Variants in WDR82 observed in about 807,000 individuals in gnomAD.
WDR82 encodes the protein WD repeat domain 82.
WDR82 carries 8 observed loss-of-function variants against 36.1 expected under a neutral mutation model. The observed-to-expected ratio is 0.22, with a 90% confidence interval of 0.13 to 0.40. The LOEUF is 0.40. Among genes scored for constraint, WDR82 ranks in the 10% least tolerant of loss-of-function variants. WDR82 has a pLI of 1.00. For synonymous variants in WDR82, 129 were observed against 137.8 expected, an observed-to-expected ratio of 0.94 and a Z score of 0.45; for missense variants, 185 against 400.5, an observed-to-expected ratio of 0.46 and a Z score of 4.59.
At position 52,270,814 on chromosome 3, in the gene WDR82, TAAG is replaced by T. The variant is rs759631272; in HGVS notation, c.162-8_162-6del. ...CTGTACAGGGTTCTCTTTGGTCTGATAAGAAAATAGAGACAGAAAATCATGAAC... is the reference window on the plus strand; with the variant it reads ...CTGTACAGGGTTCTCTTTGGTCTGATAAAATAGAGACAGAAAATCATGAAC... On this transcript the variant is annotated splice_region_variant and splice_polypyrimidine_tract_variant and intron_variant, in intron 1 of 8. Coordinates refer to ENST00000296490, the MANE Select transcript of WDR82 (RefSeq NM_025222.4). The T allele has an allele frequency of 6.3e-7, 1 of 1,581,330 alleles. No homozygotes were observed. The highest frequency in any genetic ancestry group is 1.2e-5 in the South Asian group (1 of 85,224).
In WDR82 at chr3:52,259,270, A is replaced by C. The variant is rs757115553; in HGVS notation, c.700-4T>G. 137 of 1,613,922 alleles carry C rather than the reference A, an allele frequency of 8.5e-5. 1 individual carries two copies. Among genetic ancestry groups the C allele is most frequent in the Non-Finnish European group, 1.1e-4 (132 of 1,179,976 alleles). Reference sequence around the variant, plus strand: ...CAGCTTTGCTGTTGGCATAACCCTAAAACAAAACAGAGCAGTTCTTTTGTT... The same window carrying C: ...CAGCTTTGCTGTTGGCATAACCCTACAACAAAACAGAGCAGTTCTTTTGTT... On this transcript the variant is annotated splice_region_variant and splice_polypyrimidine_tract_variant and intron_variant, in intron 6 of 8. Transcript: ENST00000296490.
intron 2 of WDR82, chr3:52,268,324 CAT>C (rs1017773990): frequency 1.7e-5 from 8 of 472,114 alleles, no homozygotes; most frequent in Non-Finnish European, 3.1e-5. Context: ...CGGGTGGTAT[CAT>C]AGACCCTCAA....
intron 6 of WDR82, 57 bp from the exon 7 acceptor site, chr3:52,259,323 G>T: frequency 1.9e-6 from 3 of 1,545,354 alleles, no homozygotes; most frequent in South Asian, 1.1e-5. Context: ...AAAAACAGCT[G>T]CCTACAAACA....
chr3:52,260,869 C>G (rs1054235332), intron 4 of WDR82, among the ~76,000 whole-genome samples: 1 of 152,244 alleles, frequency 6.6e-6, no homozygotes, highest in Admixed American at 6.5e-5. Flanking sequence ...CAGTGGCTCA[C>G]GCCTATAATC....
At position 52,270,929 on chromosome 3, in the gene WDR82, A is replaced by C; in HGVS notation, c.162-120T>G. ...AGGTGAGGATTTTTGGTAAGTTCTA[A>C]CACTGGAAAGAAACAACTTCTTCCA... On this transcript the variant is annotated intron_variant, in intron 1 of 8. Coordinates refer to ENST00000296490, the MANE Select transcript of WDR82 (RefSeq NM_025222.4). 1.1e-5 allele frequency: 7 copies of C among 658,398 alleles called. No individual in the cohort carries two copies. The South Asian group carries it at 2.0e-4, about 19-fold the overall frequency. The allele number at this position is 658,398 out of a possible 1,614,324, so 40.8% of individuals were successfully genotyped here.
At position 52,278,601 on chromosome 3, in the gene WDR82, T is replaced by C; in HGVS notation, c.-240A>G. On this transcript the variant is annotated 5_prime_UTR_variant, in exon 1 of 9. Transcript: ENST00000296490. The stretch of plus-strand genomic sequence containing the variant: ...AGCCACCTCACGGACAACCGGCGCG[T>C]CGCCGGCTCATTGTGTCCGCCATTT... 1 of 402,822 alleles carries C rather than the reference T, an allele frequency of 2.5e-6. No homozygotes were observed. The highest frequency in any genetic ancestry group is 6.3e-4 in the Middle Eastern group (1 of 1,596). 25.0% of individuals were successfully genotyped at this position (402,822 alleles called of 1,614,324 possible). A position where few individuals can be genotyped will look rare whatever the true frequency, so the allele number is the denominator to read the frequency against.
Position 52,255,159 on chromosome 3 carries a change from C to A in WDR82, c.*2331G>T. ...GTTTCTCCATGTTGGTCAGGCTGGTCTCAAACTCCCGACCTCCGGTGATCC... is the reference window on the plus strand; with the variant it reads ...GTTTCTCCATGTTGGTCAGGCTGGTATCAAACTCCCGACCTCCGGTGATCC... On this transcript the variant is annotated 3_prime_UTR_variant, in exon 9 of 9. Transcript: ENST00000296490. 6.6e-6 allele frequency: 1 copy of A among 152,320 alleles called. No homozygotes were observed. The highest frequency in any genetic ancestry group is 1.5e-5 in the Non-Finnish European group (1 of 68,086). The allele number at this position is 152,320 out of a possible 1,614,324, so 9.4% of individuals were successfully genotyped here. A position where few individuals can be genotyped will look rare whatever the true frequency, so the allele number is the denominator to read the frequency against.
chr3:52,261,770 T>G (rs544995809), intron 3 of WDR82, among the ~76,000 whole-genome samples: 140 of 152,298 alleles, frequency 9.2e-4, no homozygotes, highest in African/African-American at 3.1e-3. Flanking sequence ...ATAAGAGAGA[T>G]AACAAGTGTT....
rs958120614 is a variant in WDR82, at chr3:52,257,280, G to A, written c.*210C>T. On this transcript the variant is annotated 3_prime_UTR_variant, in exon 9 of 9. Transcript: ENST00000296490. ...CAGTTAGAAAAGCTGAGTTCCAATTGAGTCTGTTGCACCAAGAGTCCTTTT... is the reference window on the plus strand; with the variant it reads ...CAGTTAGAAAAGCTGAGTTCCAATTAAGTCTGTTGCACCAAGAGTCCTTTT... 6 of 629,474 alleles carry A rather than the reference G, an allele frequency of 9.5e-6. No individual in the cohort carries two copies. The highest frequency in any genetic ancestry group is 1.8e-5 in the African/African-American group (1 of 54,204). 39.0% of individuals were successfully genotyped at this position (629,474 alleles called of 1,614,324 possible).
At chr3:52,258,013 G>A (rs1700028545) in intron 8 of WDR82, among the ~76,000 whole-genome samples, 1 of 152,120 alleles carries the variant, frequency 6.6e-6, no homozygotes, top group African/African-American at 2.4e-5. Context: ...GAATACCCAG[G>A]CAGGTTTAGG....
At chr3:52,272,092 T>C (rs985826179) in intron 1 of WDR82, among the ~76,000 whole-genome samples, 2 of 151,840 alleles carry the variant, frequency 1.3e-5, no homozygotes, top group Non-Finnish European at 2.9e-5. Flanking sequence ...TCCACCTCAA[T>C]AACAGACAAA....
rs758549887 is a variant in WDR82 at position 52,261,492 on chromosome 3, G to A, written c.327-13C>T. 11 of 1,601,348 alleles carry A rather than the reference G, an allele frequency of 6.9e-6. No homozygotes were observed. Among genetic ancestry groups the A allele is most frequent in the East Asian group, 2.2e-5 (1 of 44,618 alleles). On this transcript the variant is annotated splice_polypyrimidine_tract_variant and intron_variant, in intron 3 of 8. Coordinates refer to ENST00000296490, the MANE Select transcript of WDR82 (RefSeq NM_025222.4). The stretch of plus-strand genomic sequence containing the variant: ...CAAGGCCACCACCCTGCAATACATC[G>A]AGATAAATAGGAGTTGATGCGAAAT...
Position 52,258,733 on chromosome 3 carries a change from C to T in WDR82, c.770-55G>A, listed in dbSNP as rs1700033522. 3.1e-6 allele frequency: 5 copies of T among 1,609,540 alleles called. No homozygotes were observed. In the South Asian group the frequency reaches 4.4e-5, roughly 14 times the overall value. On this transcript the variant is annotated intron_variant, in intron 7 of 8. Coordinates refer to ENST00000296490, the MANE Select transcript of WDR82 (RefSeq NM_025222.4). ...AGCTCAAGGCGCAATACAAAGACAA[C>T]TGGAAATGAGACATGGATTGAGATC...
Position 52,266,654 on chromosome 3 carries a change from T to C in WDR82, c.326+298A>G, listed in dbSNP as rs910830919. On this transcript the variant is annotated intron_variant, in intron 3 of 8. Transcript: ENST00000296490. ...GGTTTTGACACGTTGGCCTGGCTGG[T>C]TTCAAACTCCCGGCCTCAAGTGATC... 2.0e-5 allele frequency among the ~76,000 whole-genome samples: 3 copies of C among 152,148 alleles called. No individual in the cohort carries two copies. In the South Asian group the frequency reaches 6.2e-4, roughly 31 times the overall value.
intron 1 of WDR82, among the ~76,000 whole-genome samples, chr3:52,276,290 G>T (rs1035237506): frequency 1.3e-5 from 2 of 151,952 alleles, no homozygotes; most frequent in Non-Finnish European, 2.9e-5. Context: ...AAAAGTTAGG[G>T]TATGGTGGCA....
Position 52,268,463 on chromosome 3 carries a change from C to G in WDR82, c.260-1445G>C. On this transcript the variant is annotated intron_variant, in intron 2 of 8. Transcript: ENST00000296490. Reference sequence around the variant, plus strand: ...CAGCAGAGGCTTGGCAGCAAAGCTACAAGTGCCACACATTTGCCTCATCTT... The same window carrying G: ...CAGCAGAGGCTTGGCAGCAAAGCTAGAAGTGCCACACATTTGCCTCATCTT... 7.8e-6 allele frequency: 3 copies of G among 382,206 alleles called. No individual in the cohort carries two copies. The East Asian group carries it at 2.3e-4, about 29-fold the overall frequency. The allele number at this position is 382,206 out of a possible 1,614,324, so 23.7% of individuals were successfully genotyped here.
intron 3 of WDR82, among the ~76,000 whole-genome samples, chr3:52,262,681 T>C (rs894032399): frequency 1.3e-5 from 2 of 152,232 alleles, no homozygotes; most frequent in African/African-American, 2.4e-5. Context: ...CCTTTTTTGG[T>C]TCCCTTTTGT....
intron 2 of WDR82, among the ~76,000 whole-genome samples, chr3:52,270,413 C>T (rs920086346): frequency 3.9e-5 from 6 of 152,194 alleles, no homozygotes; most frequent in African/African-American, 7.2e-5. Flanking sequence ...CCCCTACGCC[C>T]GGCTTTAAAA....
At chr3:52,274,636 T>A (rs1415102600) in intron 1 of WDR82, among the ~76,000 whole-genome samples, 2 of 151,934 alleles carry the variant, frequency 1.3e-5, no homozygotes, top group Non-Finnish European at 2.9e-5. Context: ...GGCTCACATA[T>A]GTAATCCCAG....
Sources: allele counts gnomAD v4.1 joint callset (sites outside exome capture counted in the v4.1 genomes callset), GRCh38; gene constraint gnomAD v4.1.1; transcripts MANE v1.5; gene names NCBI Gene and HGNC (gene_info 2026-07-23, HGNC 2026-07-21).